Variants in SLC44A2 observed in about 807,000 individuals in gnomAD.
SLC44A2 encodes the protein choline transporter-like protein 2.
In SLC44A2, 57 loss-of-function variants were observed where a neutral mutation model predicts 90.8. The observed-to-expected ratio is 0.63, with a 90% confidence interval of 0.51 to 0.78. The LOEUF (loss-of-function observed/expected upper bound fraction) is 0.78, where lower values mean the gene tolerates loss of function less well. SLC44A2 is among the 30% of genes least tolerant of loss of function. The pLI is 0.00. For missense variants in SLC44A2, 794 were observed against 919.7 expected (o/e 0.86, Z 1.77); for synonymous variants, 355 against 360.7 (o/e 0.98, Z 0.18).
At chr19:10,628,827 C>T (rs757507193) in intron 4 of SLC44A2, among the ~76,000 whole-genome samples, 2 of 152,100 alleles carry the variant, frequency 1.3e-5, no homozygotes, top group South Asian at 2.1e-4. Flanking sequence ...CTCTGAACCT[C>T]GTTTTCCTCA....
At chr19:10,607,785 G>T (rs1212266523) in intron 1 of SLC44A2, among the ~76,000 whole-genome samples, 2 of 143,292 alleles carry the variant, frequency 1.4e-5, no homozygotes, top group African/African-American at 2.6e-5. Context: ...TCACTCTGTC[G>T]CTCAGGCTGG....
Position 10,636,312 on chromosome 19 carries a change from C to G in SLC44A2, c.1234-11C>G. On this transcript the variant is annotated splice_polypyrimidine_tract_variant and intron_variant, in intron 14 of 21. Transcript: ENST00000335757. ...CTCTTTTTGGACTCGGTTCTCCCTTCTCTCCCACAGACCTTCCCCTCCTCC... is the reference window on the plus strand; with the variant it reads ...CTCTTTTTGGACTCGGTTCTCCCTTGTCTCCCACAGACCTTCCCCTCCTCC... The G allele has an allele frequency of 6.2e-7, 1 of 1,604,946 alleles. No individual in the cohort carries two copies. Among genetic ancestry groups the G allele is most frequent in the Non-Finnish European group, 8.5e-7 (1 of 1,174,320 alleles).
intron 21 of SLC44A2, among the ~76,000 whole-genome samples, chr19:10,642,735 T>C (rs1165583565): frequency 1.3e-5 from 2 of 152,220 alleles, no homozygotes; most frequent in East Asian, 3.9e-4. Flanking sequence ...GATCTGTGGC[T>C]GCCACTAACT....
In SLC44A2 at chr19:10,627,935, A is replaced by C; in HGVS notation, c.176A>C (p.Asp59Ala). ...CTTTCCACAGCCTGGACTCATGGAG[A>C]CCCTCGAAAGGTGATCTACCCCACT... ...AVGIIAWTHG[D>A]PRKVIYPTDS... Residue 59 changes from aspartate (D) to alanine (A), a missense_variant, in exon 4 of 22, where the codon GAC becomes GCC. Coordinates refer to ENST00000335757, the MANE Select transcript of SLC44A2 (RefSeq NM_020428.4). 6.2e-7 allele frequency: 1 copy of C among 1,613,784 alleles called. No homozygotes were observed. Among genetic ancestry groups the C allele is most frequent in the Non-Finnish European group, 8.5e-7 (1 of 1,179,920 alleles).
chr19:10,638,424 AT>A, intron 20 of SLC44A2, 109 bp downstream of exon 20: 1 of 1,055,782 alleles, frequency 9.5e-7, no homozygotes, highest in Non-Finnish European at 1.5e-6. Flanking sequence ...TGGGGAATTG[AT>A]TATTTATTCA....
In SLC44A2 at chr19:10,627,754, T is replaced by C; in HGVS notation, c.119T>C (p.Leu40Pro). Residue 40 changes from leucine (L) to proline (P), a missense_variant, in exon 3 of 22, where the codon CTG (leucine) becomes CCG (proline). Transcript: ENST00000335757. ...GCTDIICCVF[L>P]LLAIVGYVAV... ...ACGGATATCATATGCTGTGTGTTCC[T>C]GCTCCTGGCCATTGTGGGCTACGTG... 6.2e-7 allele frequency: 1 copy of C among 1,613,898 alleles called. No homozygotes were observed. Among genetic ancestry groups the C allele is most frequent in the South Asian group, 1.1e-5 (1 of 91,074 alleles).
intron 1 of SLC44A2, among the ~76,000 whole-genome samples, chr19:10,607,685 A>T (rs1918149348): frequency 6.6e-6 from 1 of 151,080 alleles, no homozygotes; most frequent in African/African-American, 2.4e-5. Flanking sequence ...TGCCTAATAT[A>T]CATTGGAGAG....
chr19:10,611,322 G>A (rs8103726), intron 1 of SLC44A2, among the ~76,000 whole-genome samples: 1,790 of 152,138 alleles, frequency 0.012, 31 homozygotes, highest in African/African-American at 0.041. Flanking sequence ...CGTGGTGGCA[G>A]GTACCTGTAA....
upstream of SLC44A2, chr19:10,602,508 C>G (rs1477770133): frequency 1.1e-5 from 14 of 1,263,858 alleles, no homozygotes; most frequent in Non-Finnish European, 1.3e-5. Context: ...GGCTCGGACT[C>G]CGCTCCCCGC....
chr19:10,612,274 A>G (rs547745108), intron 1 of SLC44A2, among the ~76,000 whole-genome samples: 14 of 152,046 alleles, frequency 9.2e-5, no homozygotes, highest in African/African-American at 3.4e-4. Flanking sequence ...AGGGAGTCTG[A>G]GGCGGGAGGA....
At position 10,643,543 on chromosome 19, in the gene SLC44A2, C is replaced by T. The variant is rs2067140472; in HGVS notation, c.*158C>T. 6 of 835,702 alleles carry T rather than the reference C, an allele frequency of 7.2e-6. No homozygotes were observed. The highest frequency in any genetic ancestry group is 1.1e-5 in the Non-Finnish European group (6 of 567,244). 51.8% of individuals were successfully genotyped at this position (835,702 alleles called of 1,614,324 possible). The stretch of plus-strand genomic sequence containing the variant: ...CCACCAGTTTCTGGACGTGGAGAGT[C>T]TGGGGCATCTCCTTCTTATGCCAAG... On this transcript the variant is annotated 3_prime_UTR_variant, in exon 22 of 22. Coordinates refer to ENST00000335757, the MANE Select transcript of SLC44A2 (RefSeq NM_020428.4).
chr19:10,614,577 G>A (rs1303583529), intron 1 of SLC44A2, among the ~76,000 whole-genome samples: 2 of 152,144 alleles, frequency 1.3e-5, no homozygotes, highest in African/African-American at 2.4e-5. Flanking sequence ...ATTAGTGATA[G>A]CCTACTGTTG....
rs200378505 is a variant in SLC44A2 at position 10,620,458 on chromosome 19, AAAAC to A, written c.32-5779_32-5776del. ...CAACAGAGCAAGACTCCATCTCCAA[AAAAC>A]AAACAAACAAACAAAAAACGCAAAT... is the stretch of plus-strand genomic sequence containing the variant. On this transcript the variant is annotated intron_variant, in intron 1 of 21. Coordinates refer to the SLC44A2 transcript ENST00000407327. Among the ~76,000 whole-genome samples, 427 of 152,276 alleles carry A rather than the reference AAAAC, an allele frequency of 2.8e-3. 1 individual carries two copies. The highest frequency in any genetic ancestry group is 9.5e-3 in the African/African-American group (395 of 41,554).
chr19:10,642,556 TC>T, intron 21 of SLC44A2, 105 bp downstream of exon 21: 1 of 1,092,286 alleles, frequency 9.2e-7, no homozygotes, highest in Non-Finnish European at 1.4e-6. Flanking sequence ...GCCCCCAGCT[TC>T]CCCAGGGCTT....
chr19:10,618,445 G>A (rs1599235036), intron 1 of SLC44A2, among the ~76,000 whole-genome samples: 1 of 143,982 alleles, frequency 6.9e-6, no homozygotes, highest in African/African-American at 2.6e-5. Flanking sequence ...AAAGTGCTGG[G>A]TTTACAGGTG....
chr19:10,616,946 G>C (rs1427779653), intron 1 of SLC44A2, among the ~76,000 whole-genome samples: 1 of 151,240 alleles, frequency 6.6e-6, no homozygotes, highest in Non-Finnish European at 1.5e-5. Flanking sequence ...TTTTGAGATG[G>C]AGTCTTGCTC....
chr19:10,608,462 A>C (rs1317468709), intron 1 of SLC44A2, among the ~76,000 whole-genome samples: 2 of 151,728 alleles, frequency 1.3e-5, no homozygotes, highest in Non-Finnish European at 2.9e-5. Flanking sequence ...CTTTTTTTCG[A>C]AGTTGGAAAT....
chr19:10,620,355 C>T (rs977762917), intron 1 of SLC44A2, among the ~76,000 whole-genome samples: 2 of 151,902 alleles, frequency 1.3e-5, no homozygotes, highest in Non-Finnish European at 1.5e-5. Context: ...GTGGTGTGCG[C>T]CTGTAATTCC....
intron 16 of SLC44A2, 37 bp downstream of exon 16, chr19:10,636,793 C>CG: frequency 6.3e-7 from 1 of 1,587,410 alleles, no homozygotes; most frequent in African/African-American, 1.3e-5. Context: ...GCTCCTGTTG[C>CG]GGGGCGAGGC....
Sources: allele counts gnomAD v4.1 joint callset (sites outside exome capture counted in the v4.1 genomes callset), GRCh38; gene constraint gnomAD v4.1.1; transcripts MANE v1.5; gene names NCBI Gene and HGNC (gene_info 2026-07-23, HGNC 2026-07-21).